The following RPS6KA2 variants were observed in gnomAD, a reference collection of about 807,000 sequenced individuals.
RPS6KA2 encodes the protein ribosomal protein S6 kinase alpha-2.
A neutral mutation model predicts 91.8 loss-of-function variants in RPS6KA2; 42 were observed. The observed-to-expected ratio is 0.46, with a 90% CI of 0.36 to 0.59. RPS6KA2 has a LOEUF of 0.59. Among genes scored for constraint, RPS6KA2 ranks in the 20% least tolerant of loss-of-function variants. RPS6KA2 has a pLI of 0.00. For missense variants in RPS6KA2, 798 were observed against 978.5 expected, an observed-to-expected ratio of 0.82 and a Z score of 2.46; for synonymous variants, 414 against 393.6, an observed-to-expected ratio of 1.05 and a Z score of -0.61.
intron 12 of RPS6KA2, among the ~76,000 whole-genome samples, chr6:166,452,268 A>G (rs565040641): frequency 6.6e-6 from 1 of 152,308 alleles, no homozygotes; most frequent in Admixed American, 6.5e-5. Flanking sequence ...AAAAATTTTG[A>G]AAGTAATTCT....
rs1366167297 is a variant in RPS6KA2 at position 166,495,745 on chromosome 6, AG to A, written c.747+2762del. 6.6e-6 allele frequency among the ~76,000 whole-genome samples: 1 copy of A among 152,256 alleles called. No individual in the cohort carries two copies. Among genetic ancestry groups the A allele is most frequent in the Non-Finnish European group, 1.5e-5 (1 of 68,056 alleles). On this transcript the variant is annotated intron_variant, in intron 8 of 20. Transcript: ENST00000265678. The surrounding 1 kb of genome is among the most constrained non-coding windows in gnomAD (Gnocchi z 4.4). The stretch of plus-strand genomic sequence containing the variant: ...CACAGAGACAGACAACGACAATAAA[AG>A]ATGGCAGACGTTAGAGCAGTGGCAA...
chr6:166,627,337 A>G (rs1786930352), upstream of RPS6KA2: 1 of 561,914 alleles, frequency 1.8e-6, no homozygotes, highest in Non-Finnish European at 2.3e-6. Flanking sequence ...CCCGGCACGC[A>G]CACCTCCTCC....
intron 1 of RPS6KA2, among the ~76,000 whole-genome samples, chr6:166,559,958 T>C (rs1784291277): frequency 6.6e-6 from 1 of 152,166 alleles, no homozygotes; most frequent in South Asian, 2.1e-4. Context: ...TCTAATGGCA[T>C]TTAAGAAGAA....
chr6:166,604,846 G>A (rs540552440), intron 1 of RPS6KA2, among the ~76,000 whole-genome samples: 5 of 152,314 alleles, frequency 3.3e-5, no homozygotes, highest in Admixed American at 3.3e-4. Flanking sequence ...TCCCTTGGGT[G>A]GTCACGTAGC....
chr6:166,427,589 G>C (rs1778970617), intron 16 of RPS6KA2, among the ~76,000 whole-genome samples: 1 of 152,150 alleles, frequency 6.6e-6, no homozygotes, highest in Non-Finnish European at 1.5e-5. Flanking sequence ...AAGCTGATAA[G>C]CAACTTCAGC....
intron 2 of RPS6KA2, among the ~76,000 whole-genome samples, chr6:166,681,685 T>TTC (rs1583015237): frequency 6.9e-5 from 1 of 14,552 alleles, no homozygotes; most frequent in African/African-American, 5.0e-4. Flanking sequence ...GATCTCCCCC[T>TTC]GCCCGCCCCC....
intron 1 of RPS6KA2, among the ~76,000 whole-genome samples, chr6:166,602,058 G>GTATA (rs1211277452): frequency 6.6e-6 from 1 of 152,232 alleles, no homozygotes; most frequent in Non-Finnish European, 1.5e-5. Context: ...CAGGAACACT[G>GTATA]TATAGATGGG....
At chr6:166,617,400 C>T (rs1371056096) in intron 1 of RPS6KA2, among the ~76,000 whole-genome samples, 5 of 151,802 alleles carry the variant, frequency 3.3e-5, no homozygotes, top group African/African-American at 9.7e-5. Context: ...GATTTTTTCC[C>T]AAAAATGTTA....
Position 166,603,101 on chromosome 6 carries a change from CA to C in RPS6KA2, c.99+23819del, listed in dbSNP as rs1785809475. On this transcript the variant is annotated intron_variant, in intron 1 of 20. Transcript: ENST00000265678. This position sits in a 1 kb window ranked among gnomAD's most constrained non-coding sequence, Gnocchi z 4.3. Reference sequence around the variant, plus strand: ...AAATGTAAACATTCACTTACATCTGCATCTGTTAAGTGTTAAGTTCTGACAT... The same window carrying C: ...AAATGTAAACATTCACTTACATCTGCTCTGTTAAGTGTTAAGTTCTGACAT... Among the ~76,000 whole-genome samples, 1 of 152,208 alleles carries C rather than the reference CA, an allele frequency of 6.6e-6. No homozygotes were observed. Among genetic ancestry groups the C allele is most frequent in the Non-Finnish European group, 1.5e-5 (1 of 68,048 alleles).
chr6:166,667,773 A>G (rs1386178041), intron 2 of RPS6KA2, among the ~76,000 whole-genome samples: 1 of 152,202 alleles, frequency 6.6e-6, no homozygotes, highest in Non-Finnish European at 1.5e-5. Context: ...CTTTAACACT[A>G]CAGCTAGGCG....
chr6:166,532,826 T>TGAGA lies in RPS6KA2; in HGVS notation c.217-1517_217-1514dup, dbSNP rs3839531. ...TCATCTCTGGGAGATGTGTGGAGTG[T>TGAGA]GAGAGAGAGAGAGAGAGAGTGTGTG... On this transcript the variant is annotated intron_variant, in intron 2 of 20. Coordinates refer to ENST00000265678, the MANE Select transcript of RPS6KA2 (RefSeq NM_021135.6). Among the ~76,000 whole-genome samples, 534 of 149,492 alleles carry TGAGA rather than the reference T, an allele frequency of 3.6e-3. 5 individuals are homozygous for TGAGA. Among genetic ancestry groups the TGAGA allele is most frequent in the East Asian group, 0.024 (121 of 5,118 alleles).
At chr6:166,572,067 A>C (rs1784704878) in intron 1 of RPS6KA2, among the ~76,000 whole-genome samples, 1 of 152,208 alleles carries the variant, frequency 6.6e-6, no homozygotes, top group African/African-American at 2.4e-5. Flanking sequence ...ATACACTATA[A>C]TACTCAGTTT....
chr6:166,580,644 C>G (rs528135778), intron 1 of RPS6KA2, among the ~76,000 whole-genome samples: 2 of 152,218 alleles, frequency 1.3e-5, no homozygotes, highest in Admixed American at 6.5e-5. Flanking sequence ...GCAAAAAGAC[C>G]TGATTTTCAG....
chr6:166,597,768 T>G (rs1785588321), intron 1 of RPS6KA2, among the ~76,000 whole-genome samples: 1 of 152,016 alleles, frequency 6.6e-6, no homozygotes, highest in African/African-American at 2.4e-5. Flanking sequence ...ACAAGAAATA[T>G]CCAATGGGTG....
At chr6:166,773,810 C>T (rs771028358) in intron 2 of RPS6KA2, among the ~76,000 whole-genome samples, 3 of 152,098 alleles carry the variant, frequency 2.0e-5, no homozygotes, top group Non-Finnish European at 4.4e-5. Flanking sequence ...GCTAGCTCCA[C>T]CAGGAAGAAA....
chr6:166,675,457 G>C (rs1462917342), intron 2 of RPS6KA2, among the ~76,000 whole-genome samples: 1 of 152,186 alleles, frequency 6.6e-6, no homozygotes, highest in Non-Finnish European at 1.5e-5. Context: ...TACCTGCAAA[G>C]GTAACCAATC....
rs150527186 is a variant in RPS6KA2 at position 166,741,864 on chromosome 6, C to T, written c.123+116336G>A. Among the ~76,000 whole-genome samples, 486 of 152,330 alleles carry T rather than the reference C, an allele frequency of 3.2e-3. 2 individuals carry two copies. Among genetic ancestry groups the T allele is most frequent in the African/African-American group, 0.011 (467 of 41,574 alleles). ...AGGCCAGGCCGGGCGCAGTGGCTCG[C>T]ACCTGTAATCCCAGCACTTTAAGAG... On this transcript the variant is annotated intron_variant, in intron 2 of 21. Coordinates refer to the RPS6KA2 transcript ENST00000503859.
chr6:166,486,085 T>C (rs1370704364), intron 10 of RPS6KA2, among the ~76,000 whole-genome samples: 1 of 152,196 alleles, frequency 6.6e-6, no homozygotes, highest in Non-Finnish European at 1.5e-5. Context: ...GCTGTGACCC[T>C]GGCTAACGAC....
At chr6:166,774,667 GAC>G (rs779592039) in intron 2 of RPS6KA2, among the ~76,000 whole-genome samples, 11 of 152,190 alleles carry the variant, frequency 7.2e-5, no homozygotes, top group Non-Finnish European at 1.5e-4. Context: ...AATTGAGGAA[GAC>G]AGTCCCTTAC....
Sources: gnomAD v4.1 joint callset for allele counts (sites outside exome capture counted in the v4.1 genomes callset) on GRCh38, gnomAD v4.1.1 for gene constraint, Gnocchi (gnomAD v3.1) non-coding constraint, MANE v1.5 for transcripts, NCBI Gene and HGNC (gene_info 2026-07-23, HGNC 2026-07-21) for gene names.